Variants in RADIL observed in about 807,000 individuals in gnomAD.
The protein encoded by RADIL is Rap associating with DIL domain.
Under a neutral mutation model 97.6 loss-of-function variants are expected in RADIL, and 99 were observed. That is an observed-to-expected ratio of 1.01 (90% CI 0.86 to 1.20). The LOEUF (loss-of-function observed/expected upper bound fraction) is 1.20. Ranked by LOEUF, RADIL falls within the 50% of genes most tolerant of loss-of-function variation. RADIL has a pLI of 0.00. For synonymous variants in RADIL, 803 were observed against 691.8 expected, an observed-to-expected ratio of 1.16 and a Z score of -2.52; for missense variants, 1,765 against 1,498.9, an observed-to-expected ratio of 1.18 and a Z score of -2.93.
intron 11 of RADIL, among the ~76,000 whole-genome samples, chr7:4,802,391 G>A (rs1293824701): frequency 6.3e-5 from 9 of 142,504 alleles, no homozygotes; most frequent in African/African-American, 1.9e-4. Flanking sequence ...CGGGTACCTC[G>A]GGGCACGCTG....
Position 4,837,743 on chromosome 7 carries a change from G to A in RADIL, c.536-1138C>T. ...TCAGAGATAACACACACCCTTAGAAGACTTAATATCTCATAAATACAGACA... is the reference window on the plus strand; with the variant it reads ...TCAGAGATAACACACACCCTTAGAAAACTTAATATCTCATAAATACAGACA... On this transcript the variant is annotated intron_variant, in intron 2 of 14. Coordinates refer to ENST00000399583, the MANE Select transcript of RADIL (RefSeq NM_018059.5). The surrounding 1 kb of genome is among the most constrained non-coding windows in gnomAD (Gnocchi z 5.6). 1 of 751,712 alleles carries A rather than the reference G, an allele frequency of 1.3e-6. No homozygotes were observed. Among genetic ancestry groups the A allele is most frequent in the Non-Finnish European group, 1.6e-6 (1 of 617,304 alleles). 46.6% of individuals were successfully genotyped at this position (751,712 alleles called of 1,614,324 possible). A position where few individuals can be genotyped will look rare whatever the true frequency, so the allele number is the denominator to read the frequency against.
chr7:4,863,327 G>C (rs769764628), intron 2 of RADIL, among the ~76,000 whole-genome samples: 19 of 152,000 alleles, frequency 1.3e-4, no homozygotes, highest in Non-Finnish European at 1.9e-4. Context: ...TACTTATTTA[G>C]TACTCTATAA....
chr7:4,835,041 T>G lies in RADIL; in HGVS notation c.982A>C (p.Asn328His). 6.2e-7 allele frequency: 1 copy of G among 1,610,200 alleles called. No individual in the cohort carries two copies. The highest frequency in any genetic ancestry group is 1.1e-5 in the South Asian group (1 of 90,536). The change falls in exon 4 of 15, where the codon AAC becomes CAC. Residue 328 changes from asparagine (N) to histidine (H), a missense_variant. Transcript: ENST00000399583. The surrounding 1 kb of genome is among the most constrained non-coding windows in gnomAD (Gnocchi z 5.8). Reference protein sequence around the residue: ...EPIPGAHISVNFSEVGHRTVV... With the variant: ...EPIPGAHISVHFSEVGHRTVV... ...GTCCTGTGCCCCACCTCGGAGAAGT[T>G]GACGGAGATGTGCGCCCCGGGGATG...
At position 4,873,358 on chromosome 7, in the gene RADIL, C is replaced by T. The variant is rs1434458930; in HGVS notation, c.535+4247G>A. ...TCACACATGCATGCACACACATGCA[C>T]ACCACACAGACACACACACATGGTC... On this transcript the variant is annotated intron_variant, in intron 2 of 14. Coordinates refer to ENST00000399583, the MANE Select transcript of RADIL (RefSeq NM_018059.5). This position sits in a 1 kb window ranked among gnomAD's most constrained non-coding sequence, Gnocchi z 4.3. 6.6e-6 allele frequency among the ~76,000 whole-genome samples: 1 copy of T among 152,186 alleles called. No homozygotes were observed. The highest frequency in any genetic ancestry group is 1.5e-5 in the Non-Finnish European group (1 of 68,024).
chr7:4,853,029 A>C (rs1783745671), intron 2 of RADIL, among the ~76,000 whole-genome samples: 1 of 152,164 alleles, frequency 6.6e-6, no homozygotes, highest in African/African-American at 2.4e-5. Context: ...GATTTAGATT[A>C]AGATGATGAG....
chr7:4,820,748 G>C (rs11977225), intron 6 of RADIL, among the ~76,000 whole-genome samples: 47,537 of 152,012 alleles, frequency 0.31, 10,127 homozygotes, highest in African/African-American at 0.6. Flanking sequence ...AGCCCGGCCT[G>C]TTCCACGCGC....
intron 9 of RADIL, among the ~76,000 whole-genome samples, chr7:4,808,325 C>T (rs910603489): frequency 2.0e-5 from 3 of 151,716 alleles, no homozygotes; most frequent in Admixed American, 6.6e-5. Flanking sequence ...TTTCCAAGAC[C>T]GCTCTTGTTC....
rs1783000271 is a variant in RADIL, at chr7:4,826,977, G to C, written c.1455-4423C>G. 1.3e-5 allele frequency among the ~76,000 whole-genome samples: 2 copies of C among 152,148 alleles called. 1 individual carries two copies. Among genetic ancestry groups the C allele is most frequent in the South Asian group, 4.1e-4 (2 of 4,832 alleles). On this transcript the variant is annotated intron_variant, in intron 5 of 14. Transcript: ENST00000399583. ...AACCTAAACTTTCCCTGGTTCCATGGACGGGCATGGAAAAATCTGATGAGG... is the reference window on the plus strand; with the variant it reads ...AACCTAAACTTTCCCTGGTTCCATGCACGGGCATGGAAAAATCTGATGAGG...
intron 9 of RADIL, among the ~76,000 whole-genome samples, chr7:4,807,363 T>C (rs1339115917): frequency 6.6e-6 from 1 of 152,036 alleles, no homozygotes; most frequent in Admixed American, 6.6e-5. Context: ...TTCTGTTTGA[T>C]TGTGAGTTCC....
Position 4,798,479 on chromosome 7 carries a change from G to C in RADIL, c.*899C>G, listed in dbSNP as rs1266689770. ...AGTTCCACCACAGCCAGGAGGGCGC[G>C]GAAGCCACCCACACCCAGTTGGTGG... is the stretch of plus-strand genomic sequence containing the variant. On this transcript the variant is annotated 3_prime_UTR_variant, in exon 15 of 15. Transcript: ENST00000399583. 1 of 152,338 alleles carries C rather than the reference G, an allele frequency of 6.6e-6. No individual in the cohort carries two copies. The highest frequency in any genetic ancestry group is 1.5e-5 in the Non-Finnish European group (1 of 68,062). The allele number at this position is 152,338 out of a possible 1,614,324, so 9.4% of individuals were successfully genotyped here.
chr7:4,809,039 G>A (rs143969046), intron 9 of RADIL: 10 of 857,302 alleles, frequency 1.2e-5, no homozygotes, highest in South Asian at 5.7e-5. Context: ...CCCTTCCGAC[G>A]CCACTGCCCC....
intron 2 of RADIL, among the ~76,000 whole-genome samples, chr7:4,870,641 ACCATGTTGG>A (rs1425594792): frequency 7.2e-5 from 11 of 152,136 alleles, no homozygotes; most frequent in African/African-American, 2.4e-4. Flanking sequence ...ACGGGATTTC[ACCATGTTGG>A]CCAGGCTGGT....
intron 2 of RADIL, among the ~76,000 whole-genome samples, chr7:4,846,001 C>A (rs1783558986): frequency 6.6e-6 from 1 of 152,214 alleles, no homozygotes; most frequent in Non-Finnish European, 1.5e-5. Context: ...GAAGCACAGT[C>A]CTGCTCACCG....
intron 2 of RADIL, among the ~76,000 whole-genome samples, chr7:4,847,176 C>G (rs1283101037): frequency 2.0e-5 from 3 of 151,930 alleles, no homozygotes; most frequent in African/African-American, 7.3e-5. Flanking sequence ...CAAAAATTCC[C>G]TGGGTGTGGT....
chr7:4,817,645 T>C lies in RADIL; in HGVS notation c.1616-294A>G, dbSNP rs749866774. Reference sequence around the variant, plus strand: ...CAAGCGCTCATTCACTCCCACGTTCTGGATACGTTTTCTGTTACAACCAAC... The same window carrying C: ...CAAGCGCTCATTCACTCCCACGTTCCGGATACGTTTTCTGTTACAACCAAC... On this transcript the variant is annotated intron_variant, in intron 6 of 14. Transcript: ENST00000399583. The surrounding 1 kb of genome is among the most constrained non-coding windows in gnomAD (Gnocchi z 8.3). Among the ~76,000 whole-genome samples, 19 of 152,162 alleles carry C rather than the reference T, an allele frequency of 1.2e-4. No homozygotes were observed. Among genetic ancestry groups the C allele is most frequent in the Admixed American group, 2.0e-4 (3 of 15,284 alleles).
At position 4,821,120 on chromosome 7, in the gene RADIL, G is replaced by A. The variant is rs903319566; in HGVS notation, c.1615+1274C>T. Among the ~76,000 whole-genome samples the A allele has an allele frequency of 2.6e-5, 4 of 152,174 alleles. No homozygotes were observed. The highest frequency in any genetic ancestry group is 2.1e-4 in the South Asian group (1 of 4,826). On this transcript the variant is annotated intron_variant, in intron 6 of 14. Transcript: ENST00000399583. This position sits in a 1 kb window ranked among gnomAD's most constrained non-coding sequence, Gnocchi z 5.2. ...GTGGGAGCTCCTGTCCCTGCACACC[G>A]GGCCTGCGCCTCCCTCGAAGCTCAG...
chr7:4,858,872 C>A (rs1583313320), intron 2 of RADIL: 1 of 152,090 alleles, frequency 6.6e-6, no homozygotes, highest in Admixed American at 6.5e-5. Context: ...ATACTGTGTG[C>A]ATACAGGCAA....
rs984744935 is a variant in RADIL at position 4,835,639 on chromosome 7, G to A, written c.784-400C>T. Among the ~76,000 whole-genome samples, 1 of 152,118 alleles carries A rather than the reference G, an allele frequency of 6.6e-6. No individual in the cohort carries two copies. Among genetic ancestry groups the A allele is most frequent in the Non-Finnish European group, 1.5e-5 (1 of 67,970 alleles). On this transcript the variant is annotated intron_variant, in intron 3 of 14. Coordinates refer to ENST00000399583, the MANE Select transcript of RADIL (RefSeq NM_018059.5). This position sits in a 1 kb window ranked among gnomAD's most constrained non-coding sequence, Gnocchi z 5.8. ...TGGGAGCACCACCCCCAGTGTGGGAGCACTGCCGCCTGTGTGAGAGCACTG... is the reference window on the plus strand; with the variant it reads ...TGGGAGCACCACCCCCAGTGTGGGAACACTGCCGCCTGTGTGAGAGCACTG...
intron 2 of RADIL, among the ~76,000 whole-genome samples, chr7:4,862,998 T>C (rs547968899): frequency 5.9e-5 from 9 of 152,316 alleles, no homozygotes; most frequent in African/African-American, 2.2e-4. Context: ...CTTTTTATGA[T>C]CTCCAGAAGC....
Sources: allele counts gnomAD v4.1 joint callset (sites outside exome capture counted in the v4.1 genomes callset), GRCh38; gene constraint gnomAD v4.1.1; non-coding constraint Gnocchi (gnomAD v3.1); transcripts MANE v1.5; gene names NCBI Gene and HGNC (gene_info 2026-07-23, HGNC 2026-07-21).